The following FBXL4 variants were observed in gnomAD, a reference collection of about 807,000 sequenced individuals.
FBXL4 encodes F-box/LRR-repeat protein 4.
FBXL4 carries 40 observed loss-of-function variants against 58.9 expected under a neutral mutation model. That is an observed-to-expected ratio of 0.68 (90% CI 0.53 to 0.88). FBXL4 has a LOEUF of 0.88. FBXL4 is among the 40% of genes least tolerant of loss of function. The pLI, the probability that FBXL4 is intolerant of heterozygous loss-of-function variation, is 0.00. For synonymous variants in FBXL4, 263 were observed against 265.5 expected (o/e 0.99, Z 0.09); for missense variants, 676 against 734.4 (o/e 0.92, Z 0.92).
At chr6:98,875,857 C>A (rs1438358804) in intron 8 of FBXL4, 130 bp from the exon 9 acceptor site, 6 of 853,352 alleles carry the variant, frequency 7.0e-6, no homozygotes, top group Non-Finnish European at 9.1e-6. Flanking sequence ...CTTGTTAATA[C>A]AGATCTGCCC....
At chr6:98,922,774 T>G (rs1284090739) in intron 4 of FBXL4, among the ~76,000 whole-genome samples, 1 of 152,232 alleles carries the variant, frequency 6.6e-6, no homozygotes, top group Non-Finnish European at 1.5e-5. Flanking sequence ...TTTGAACAGA[T>G]GCATAAACTT....
At chr6:98,881,491 CA>C (rs2128379455) in intron 7 of FBXL4, among the ~76,000 whole-genome samples, 1 of 151,930 alleles carries the variant, frequency 6.6e-6, no homozygotes, top group Non-Finnish European at 1.5e-5. Context: ...AGATATTATA[CA>C]ACTTCTGTAA....
At chr6:98,938,071 A>C (rs1384279602) in intron 1 of FBXL4, among the ~76,000 whole-genome samples, 2 of 132,986 alleles carry the variant, frequency 1.5e-5, no homozygotes, top group African/African-American at 5.6e-5. Flanking sequence ...CCCTATCTAC[A>C]ATCTCTTTCA....
chr6:98,934,938 A>G (rs922535352), intron 1 of FBXL4, 59 bp from the exon 2 acceptor site: 2 of 152,262 alleles, frequency 1.3e-5, no homozygotes, highest in African/African-American at 4.8e-5. Flanking sequence ...CTCTTCGAGG[A>G]ATCAAGGTAG....
At chr6:98,905,734 T>TTAGA (rs1771786626) in intron 5 of FBXL4, 64 bp from the exon 6 acceptor site, 1 of 1,480,980 alleles carries the variant, frequency 6.8e-7, no homozygotes, top group South Asian at 1.2e-5. Flanking sequence ...ATGAAACATA[T>TTAGA]AACATAATCT....
intron 2 of FBXL4, among the ~76,000 whole-genome samples, chr6:98,930,730 A>G (rs2128407925): frequency 6.6e-6 from 1 of 152,312 alleles, no homozygotes; most frequent in South Asian, 2.1e-4. Context: ...TGGACCACAG[A>G]GCAAGACCCC....
chr6:98,916,772 A>G (rs1038784014), intron 5 of FBXL4, among the ~76,000 whole-genome samples: 1 of 151,762 alleles, frequency 6.6e-6, no homozygotes, highest in African/African-American at 2.4e-5. Flanking sequence ...TACATATGTA[A>G]CTAACCTGCA....
At chr6:98,906,481 T>C (rs1308847377) in intron 5 of FBXL4, among the ~76,000 whole-genome samples, 1 of 152,148 alleles carries the variant, frequency 6.6e-6, no homozygotes, top group African/African-American at 2.4e-5. Context: ...TTCATCCATG[T>C]CCCTGCAAAG....
At position 98,935,470 on chromosome 6, in the gene FBXL4, T is replaced by G. The variant is rs551684268; in HGVS notation, c.-308-591A>C. Among the ~76,000 whole-genome samples, 6 of 152,258 alleles carry G rather than the reference T, an allele frequency of 3.9e-5. 1 individual carries two copies. Among genetic ancestry groups the G allele is most frequent in the Admixed American group, 3.9e-4 (6 of 15,298 alleles). On this transcript the variant is annotated intron_variant, in intron 1 of 9. Coordinates refer to ENST00000369244, the MANE Select transcript of FBXL4 (RefSeq NM_001278716.2). ...TTATATTACCTATATATTACCTTTT[T>G]CTTCAGTGTTTAACGATGGGTAAGA... is the stretch of plus-strand genomic sequence containing the variant.
At chr6:98,898,142 A>T (rs1412467820) in intron 7 of FBXL4, 2 of 222,274 alleles carry the variant, frequency 9.0e-6, no homozygotes, top group Non-Finnish European at 1.5e-5. Context: ...TCTCTAAAAA[A>T]ATATGCAAGT....
At chr6:98,899,622 A>G in intron 6 of FBXL4, 141 bp from the exon 7 acceptor site, 3 of 1,053,894 alleles carry the variant, frequency 2.8e-6, no homozygotes, top group Non-Finnish European at 4.0e-6. Context: ...TTTTGCTTAA[A>G]TTCTTATTCA....
At chr6:98,912,636 T>C (rs1438203171) in intron 5 of FBXL4, among the ~76,000 whole-genome samples, 1 of 152,142 alleles carries the variant, frequency 6.6e-6, no homozygotes, top group African/African-American at 2.4e-5. Context: ...TGAGAGATTT[T>C]GTCACCACCA....
Position 98,870,256 on chromosome 6 carries a change from T to C in FBXL4, c.*4022A>G, listed in dbSNP as rs916799295. 6 of 152,210 alleles carry C rather than the reference T, an allele frequency of 3.9e-5. No homozygotes were observed. Among genetic ancestry groups the C allele is most frequent in the African/African-American group, 1.4e-4 (6 of 41,462 alleles). 9.4% of individuals were successfully genotyped at this position (152,210 alleles called of 1,614,324 possible). On this transcript the variant is annotated 3_prime_UTR_variant, in exon 10 of 10. Transcript: ENST00000369244. ...CATGGATTAACTGACTCGAAAATAC[T>C]CTGGAATAGGGGTCACAAATTTGGT...
Position 98,874,188 on chromosome 6 carries a change from C to A in FBXL4, c.*90G>T. On this transcript the variant is annotated 3_prime_UTR_variant, in exon 10 of 10. Coordinates refer to ENST00000369244, the MANE Select transcript of FBXL4 (RefSeq NM_001278716.2). ...AATCTACAAATGTCTTAATTCTTAC[C>A]ATTAAAACAACTAAAAACAAAACCC... 1.1e-6 allele frequency: 1 copy of A among 937,892 alleles called. No homozygotes were observed. The allele number at this position is 937,892 out of a possible 1,614,324, so 58.1% of individuals were successfully genotyped here.
intron 5 of FBXL4, among the ~76,000 whole-genome samples, chr6:98,912,326 C>T (rs569834433): frequency 2.5e-4 from 38 of 152,168 alleles, no homozygotes; most frequent in Admixed American, 3.3e-4. Context: ...ATACAGAGAA[C>T]GCCACAAATA....
Position 98,885,522 on chromosome 6 carries a change from T to C in FBXL4, c.1318-4898A>G, listed in dbSNP as rs967807342. The stretch of plus-strand genomic sequence containing the variant: ...TCATCTGATCAGCTGAAGGCCTGAA[T>C]AGAAAAAACAGGCTGACCCTCCCTC... On this transcript the variant is annotated intron_variant, in intron 7 of 9. Coordinates refer to ENST00000369244, the MANE Select transcript of FBXL4 (RefSeq NM_001278716.2). Among the ~76,000 whole-genome samples the C allele has an allele frequency of 1.1e-4, 17 of 152,232 alleles. 2 individuals carry two copies. The highest frequency in any genetic ancestry group is 1.0e-3 in the Admixed American group (16 of 15,298).
rs1491196097 is a variant in FBXL4, at chr6:98,889,696, AAC to A, written c.1318-9074_1318-9073del. On this transcript the variant is annotated intron_variant, in intron 7 of 9. Transcript: ENST00000369244. ...CCTGTCTCAAAAAAAAAAAAAAAAA[AAC>A]AATGGTTTCAATTTCAAAAACAGTT... 1.8e-3 allele frequency among the ~76,000 whole-genome samples: 275 copies of A among 150,694 alleles called. 2 individuals carry two copies. Among genetic ancestry groups the A allele is most frequent in the Non-Finnish European group, 2.2e-3 (146 of 67,718 alleles).
At chr6:98,931,574 AG>A (rs1245778679) in intron 2 of FBXL4, among the ~76,000 whole-genome samples, 1 of 152,250 alleles carries the variant, frequency 6.6e-6, no homozygotes, top group East Asian at 1.9e-4. Flanking sequence ...ATACCAAAAA[AG>A]CAAATATATT....
In FBXL4 at chr6:98,917,446, A is replaced by G; in HGVS notation, c.786T>C (p.Leu262=). 1 of 1,614,002 alleles carries G rather than the reference A, an allele frequency of 6.2e-7. No individual in the cohort carries two copies. Among genetic ancestry groups the G allele is most frequent in the East Asian group, 2.2e-5 (1 of 44,878 alleles). The change falls in exon 5 of 10, where the codon CTT becomes CTC. Residue 262 remains leucine, a synonymous_variant. Transcript: ENST00000369244. ...AEKDGCGMDS[L]NKKFSSAVLG... is the part of the protein sequence containing the mutation. ...GGACAGCACTGCTAAACTTTTTGTT[A>G]AGACTGTCCATTCCACAACCATCCT...
Sources: allele counts gnomAD v4.1 joint callset (sites outside exome capture counted in the v4.1 genomes callset), GRCh38; gene constraint gnomAD v4.1.1; transcripts MANE v1.5; gene names NCBI Gene and HGNC (gene_info 2026-07-23, HGNC 2026-07-21).